Variants in GRIN2A observed in about 807,000 individuals in gnomAD.
GRIN2A encodes the protein glutamate ionotropic receptor NMDA type subunit 2A.
GRIN2A carries 22 observed loss-of-function variants against 113.4 expected under a neutral mutation model. The observed-to-expected ratio is 0.19, with a 90% CI of 0.14 to 0.28. GRIN2A has a LOEUF of 0.28. GRIN2A is among the 10% of genes least tolerant of loss of function. GRIN2A has a pLI of 1.00. For synonymous variants in GRIN2A, 827 were observed against 738.4 expected (o/e 1.12, Z -1.94); for missense variants, 1,502 against 1,887.0 (o/e 0.80, Z 3.78).
At chr16:10,129,239 T>G (rs2049011777) in intron 2 of GRIN2A, among the ~76,000 whole-genome samples, 1 of 152,022 alleles carries the variant, frequency 6.6e-6, no homozygotes, top group Admixed American at 6.6e-5. Flanking sequence ...TGACACCTGG[T>G]GAAGTCATTT....
intron 4 of GRIN2A, among the ~76,000 whole-genome samples, chr16:9,855,628 C>T (rs969765552): frequency 2.0e-5 from 3 of 152,160 alleles, no homozygotes; most frequent in Admixed American, 6.5e-5. Flanking sequence ...AAGCTGCCCT[C>T]CCAAATCTTT....
rs1459006977 is a variant in GRIN2A, at chr16:9,921,273, G to A, written c.1007+16686C>T. On this transcript the variant is annotated intron_variant, in intron 3 of 12. Transcript: ENST00000330684. ...TAATTTCCATCAGTCACACTTTCAT[G>A]ATGAATTAACTCTAAAGACAAGCAA... 3.9e-5 allele frequency among the ~76,000 whole-genome samples: 6 copies of A among 152,192 alleles called. No individual in the cohort carries two copies. The South Asian group carries it at 1.0e-3, about 26-fold the overall frequency.
chr16:10,054,269 G>C (rs2047408064), intron 2 of GRIN2A, among the ~76,000 whole-genome samples: 2 of 152,000 alleles, frequency 1.3e-5, no homozygotes, highest in African/African-American at 4.8e-5. Flanking sequence ...CCAAAGAAAA[G>C]AAAACCCAAA....
rs886052550 is a variant in GRIN2A, at chr16:9,762,575, G to T, written c.*574C>A. 24 of 232,612 alleles carry T rather than the reference G, an allele frequency of 1.0e-4. No homozygotes were observed. The highest frequency in any genetic ancestry group is 6.5e-4 in the Admixed American group (12 of 18,584). 14.4% of individuals were successfully genotyped at this position (232,612 alleles called of 1,614,324 possible). A position where few individuals can be genotyped will look rare whatever the true frequency, so the allele number is the denominator to read the frequency against. On this transcript the variant is annotated 3_prime_UTR_variant, in exon 13 of 13. Transcript: ENST00000330684. ...TTTAGGGGAGCCTGGAGTTCTTGGG[G>T]TGAGCCTGGGCTGTGATGGAAGGCA... is the stretch of plus-strand genomic sequence containing the variant.
chr16:9,908,021 C>G (rs920611376), intron 3 of GRIN2A, among the ~76,000 whole-genome samples: 4 of 152,172 alleles, frequency 2.6e-5, no homozygotes, highest in African/African-American at 9.6e-5. Context: ...AGCTGGAGTC[C>G]TGAGCAGCGT....
intron 4 of GRIN2A, among the ~76,000 whole-genome samples, chr16:9,875,077 G>A (rs1445781477): frequency 9.6e-3 from 2 of 208 alleles, no homozygotes; most frequent in Non-Finnish European, 0.023. Context: ...GCTCGCTGTG[G>A]CCTTGACCTA....
intron 2 of GRIN2A, among the ~76,000 whole-genome samples, chr16:10,017,847 T>TG (rs34707788): frequency 0.69 from 104,611 of 152,024 alleles, 36,464 homozygotes; most frequent in Middle Eastern, 0.8. Flanking sequence ...AATCAAAATT[T>TG]AAATAAAGAC....
intron 12 of GRIN2A, among the ~76,000 whole-genome samples, chr16:9,767,578 A>G (rs2038977000): frequency 1.3e-5 from 2 of 151,248 alleles, no homozygotes; most frequent in Admixed American, 1.3e-4. Flanking sequence ...AAAAAAACAA[A>G]CAAAAACAAA....
At chr16:10,175,303 T>C (rs899043437) in intron 2 of GRIN2A, among the ~76,000 whole-genome samples, 1 of 152,124 alleles carries the variant, frequency 6.6e-6, no homozygotes, top group Non-Finnish European at 1.5e-5. Context: ...GAAAGAATGA[T>C]GGAAAGAAAG....
At chr16:10,122,326 G>A (rs1208128493) in intron 2 of GRIN2A, among the ~76,000 whole-genome samples, 1 of 152,180 alleles carries the variant, frequency 6.6e-6, no homozygotes, top group African/African-American at 2.4e-5. Flanking sequence ...TAAAGCTGGA[G>A]GAGTTTTAAT....
chr16:10,152,120 G>A (rs1170874194), intron 2 of GRIN2A, among the ~76,000 whole-genome samples: 1 of 152,218 alleles, frequency 6.6e-6, no homozygotes, highest in East Asian at 1.9e-4. Context: ...AGTGGTCTCA[G>A]TAAGGGAGGA....
chr16:9,935,843 A>AG (rs1240386810), intron 3 of GRIN2A, among the ~76,000 whole-genome samples: 1 of 152,224 alleles, frequency 6.6e-6, no homozygotes, highest in East Asian at 1.9e-4. Flanking sequence ...CTGGGATCAC[A>AG]GGCATGCTCT....
At chr16:9,985,166 C>A (rs1567217187) in intron 2 of GRIN2A, among the ~76,000 whole-genome samples, 1 of 152,084 alleles carries the variant, frequency 6.6e-6, no homozygotes, top group Non-Finnish European at 1.5e-5. Context: ...TGGGCCCAAA[C>A]CTAAAGATGT....
chr16:9,949,595 G>C (rs2141668808), intron 2 of GRIN2A, among the ~76,000 whole-genome samples: 1 of 152,100 alleles, frequency 6.6e-6, no homozygotes, highest in East Asian at 1.9e-4. Flanking sequence ...TAGACGGACA[G>C]ATGGATGGAT....
At chr16:9,808,358 A>C (rs185129920) in intron 10 of GRIN2A, among the ~76,000 whole-genome samples, 27 of 152,330 alleles carry the variant, frequency 1.8e-4, no homozygotes, top group South Asian at 1.0e-3. Context: ...CGAATCCAGG[A>C]TGCTTATCCT....
At chr16:10,062,273 A>G (rs2047562555) in intron 2 of GRIN2A, among the ~76,000 whole-genome samples, 1 of 152,220 alleles carries the variant, frequency 6.6e-6, no homozygotes, top group Admixed American at 6.5e-5. Flanking sequence ...TGTAGTAAAA[A>G]GCAGCCCTAG....
At chr16:10,091,043 C>T (rs1377399400) in intron 2 of GRIN2A, among the ~76,000 whole-genome samples, 1 of 152,274 alleles carries the variant, frequency 6.6e-6, no homozygotes, top group East Asian at 1.9e-4. Context: ...ATGGACAACA[C>T]CAAGTGTTGG....
intron 2 of GRIN2A, chr16:10,111,614 T>C: frequency 1.6e-6 from 2 of 1,233,460 alleles, no homozygotes; most frequent in Non-Finnish European, 2.4e-6. Context: ...GAGGCCGACA[T>C]GGCCATCGCG....
intron 2 of GRIN2A, among the ~76,000 whole-genome samples, chr16:10,035,463 C>T (rs905423308): frequency 6.6e-6 from 1 of 152,202 alleles, no homozygotes; most frequent in Non-Finnish European, 1.5e-5. Context: ...AAATGTCCTT[C>T]CCTGGCTCCT....
Sources: gnomAD v4.1 joint callset for allele counts (sites outside exome capture counted in the v4.1 genomes callset) on GRCh38, gnomAD v4.1.1 for gene constraint, MANE v1.5 for transcripts, NCBI Gene and HGNC (gene_info 2026-07-23, HGNC 2026-07-21) for gene names.